Variants in NOL4 observed in about 807,000 individuals in gnomAD.
NOL4 encodes nucleolar protein 4.
Under a neutral mutation model 75.9 loss-of-function variants are expected in NOL4, and 17 were observed. The ratio of observed to expected loss-of-function variants is 0.22; its 90% confidence interval spans 0.15 to 0.34. NOL4 has a LOEUF of 0.34. NOL4 is among the 10% of genes least tolerant of loss of function. NOL4 has a pLI of 1.00. For synonymous variants in NOL4, 292 were observed against 289.9 expected, an observed-to-expected ratio of 1.01 and a Z score of -0.07; for missense variants, 614 against 793.5, an observed-to-expected ratio of 0.77 and a Z score of 2.72.
chr18:33,915,195 T>C (rs764452337), intron 9 of NOL4, among the ~76,000 whole-genome samples: 2 of 152,060 alleles, frequency 1.3e-5, no homozygotes, highest in African/African-American at 4.8e-5. Context: ...AAATAGACCA[T>C]TGGCTCTAGA....
chr18:34,011,653 A>G (rs2146333341), intron 6 of NOL4, among the ~76,000 whole-genome samples: 1 of 151,974 alleles, frequency 6.6e-6, no homozygotes, highest in South Asian at 2.1e-4. Flanking sequence ...TAAAAAACAA[A>G]AAACAGAAAG....
intron 9 of NOL4, among the ~76,000 whole-genome samples, chr18:33,934,947 C>T (rs144308206): frequency 0.02 from 3,086 of 151,346 alleles, 107 homozygotes; most frequent in African/African-American, 0.071. Flanking sequence ...CAGCCTCAAC[C>T]TCCTGGGCTA....
intron 9 of NOL4, among the ~76,000 whole-genome samples, chr18:33,931,540 G>A (rs143808166): frequency 3.3e-5 from 5 of 151,942 alleles, no homozygotes; most frequent in African/African-American, 1.2e-4. Context: ...AGACCAACCT[G>A]GGCAACACAG....
At chr18:33,880,103 A>C (rs2144631594) in intron 10 of NOL4, among the ~76,000 whole-genome samples, 1 of 152,138 alleles carries the variant, frequency 6.6e-6, no homozygotes, top group Admixed American at 6.6e-5. Flanking sequence ...CAACTTTATA[A>C]ATATTTAAAG....
chr18:34,024,194 A>AAAAAAATATATAT, intron 5 of NOL4, among the ~76,000 whole-genome samples: 1 of 70,698 alleles, frequency 1.4e-5, no homozygotes, highest in African/African-American at 5.3e-5. Flanking sequence ...AAAAAAAAAA[A>AAAAAAATATATAT]ATATATATAT....
At chr18:34,052,670 C>T (rs1471659432) in intron 5 of NOL4, among the ~76,000 whole-genome samples, 2 of 151,978 alleles carry the variant, frequency 1.3e-5, no homozygotes, top group African/African-American at 4.8e-5. Context: ...TTTCTAGAAG[C>T]TCATGGTCTA....
intron 9 of NOL4, among the ~76,000 whole-genome samples, chr18:33,938,353 G>A (rs1236883781): frequency 6.6e-6 from 1 of 151,890 alleles, no homozygotes; most frequent in Non-Finnish European, 1.5e-5. Flanking sequence ...CAATTCCAAA[G>A]CTTTTTGAAC....
At chr18:34,060,232 A>T (rs926430515) in intron 5 of NOL4, among the ~76,000 whole-genome samples, 1 of 152,192 alleles carries the variant, frequency 6.6e-6, no homozygotes, top group African/African-American at 2.4e-5. Flanking sequence ...TCCCTGGAAC[A>T]GCACTTTCTA....
At chr18:34,218,464 C>A (rs1361538334) in intron 1 of NOL4, among the ~76,000 whole-genome samples, 1 of 152,212 alleles carries the variant, frequency 6.6e-6, no homozygotes, top group Non-Finnish European at 1.5e-5. Context: ...CATATTTCCT[C>A]TTTATATTCA....
At chr18:34,133,268 G>A (rs1253079898) in intron 1 of NOL4, among the ~76,000 whole-genome samples, 60 of 125,210 alleles carry the variant, frequency 4.8e-4, no homozygotes, top group African/African-American at 1.6e-3. Flanking sequence ...GCAAAACTCC[G>A]TCTCAAAAAA....
chr18:33,904,462 T>C (rs946304657), intron 9 of NOL4, among the ~76,000 whole-genome samples: 6 of 152,032 alleles, frequency 3.9e-5, no homozygotes, highest in Non-Finnish European at 7.4e-5. Context: ...AGGTCAGATA[T>C]GTCATGTTAT....
chr18:34,223,053 C>T lies in NOL4; in HGVS notation c.201G>A (p.Pro67=), dbSNP rs374196638. Residue 67 remains proline (P), a synonymous_variant, in exon 1 of 11, where the codon CCG becomes CCA. Transcript: ENST00000261592. ...CGCCGCCTCCCCCGCGGACCTCGTCCGGCTGGCCCAGCTGGAAGCCCTTCG... is the reference window on the plus strand; with the variant it reads ...CGCCGCCTCCCCCGCGGACCTCGTCTGGCTGGCCCAGCTGGAAGCCCTTCG... ...VKSKGFQLGQ[P]DEVRGGGGGA... 5 of 1,613,706 alleles carry T rather than the reference C, an allele frequency of 3.1e-6. No individual in the cohort carries two copies. Among genetic ancestry groups the T allele is most frequent in the Non-Finnish European group, 4.2e-6 (5 of 1,180,044 alleles).
chr18:34,025,844 GT>G (rs2075313417), intron 5 of NOL4, among the ~76,000 whole-genome samples: 1 of 152,056 alleles, frequency 6.6e-6, no homozygotes, highest in African/African-American at 2.4e-5. Flanking sequence ...AAGTACCCAT[GT>G]TTTTAAAGTA....
chr18:34,128,812 T>C, intron 2 of NOL4: 1 of 885,556 alleles, frequency 1.1e-6, no homozygotes, highest in Non-Finnish European at 1.4e-6. Flanking sequence ...AAGAAGCTAT[T>C]TCTTATGCTC....
chr18:33,985,792 A>T (rs1435948181), intron 6 of NOL4, among the ~76,000 whole-genome samples: 1 of 152,146 alleles, frequency 6.6e-6, no homozygotes, highest in African/African-American at 2.4e-5. Flanking sequence ...AAAGGCATGA[A>T]ATACAGAAGT....
In NOL4 at chr18:34,077,114, T is replaced by C. The variant is rs373743860; in HGVS notation, c.772+16351A>G. 1.4e-3 allele frequency among the ~76,000 whole-genome samples: 207 copies of C among 152,198 alleles called. 1 individual carries two copies. The highest frequency in any genetic ancestry group is 4.8e-3 in the African/African-American group (199 of 41,550). ...TGAGTCCAGGAGTTTGAGACTAGCCTGGGCAACATGGTGAAACCCGGTCTC... is the reference window on the plus strand; with the variant it reads ...TGAGTCCAGGAGTTTGAGACTAGCCCGGGCAACATGGTGAAACCCGGTCTC... On this transcript the variant is annotated intron_variant, in intron 5 of 10. Coordinates refer to ENST00000261592, the MANE Select transcript of NOL4 (RefSeq NM_003787.5).
At chr18:33,857,571 T>C (rs955897777) in intron 10 of NOL4, among the ~76,000 whole-genome samples, 1 of 151,906 alleles carries the variant, frequency 6.6e-6, no homozygotes. Context: ...TCAGAAAAAA[T>C]TTAATATTAG....
intron 6 of NOL4, among the ~76,000 whole-genome samples, chr18:34,014,578 G>T (rs1235550078): frequency 6.6e-6 from 1 of 151,816 alleles, no homozygotes; most frequent in African/African-American, 2.4e-5. Context: ...ACCTAGATTG[G>T]TGTTTGATTG....
At chr18:34,189,930 G>GACAATTGCTCTTTTTTAGAGTT (rs1397967943) in intron 1 of NOL4, among the ~76,000 whole-genome samples, 1 of 151,504 alleles carries the variant, frequency 6.6e-6, no homozygotes, top group Non-Finnish European at 1.5e-5. Context: ...CTTCATACTG[G>GACAATTGCTCTTTTTTAGAGTT]ACAATTGCTC....
Sources: gnomAD v4.1 joint callset for allele counts (sites outside exome capture counted in the v4.1 genomes callset) on GRCh38, gnomAD v4.1.1 for gene constraint, MANE v1.5 for transcripts, NCBI Gene and HGNC (gene_info 2026-07-23, HGNC 2026-07-21) for gene names.